The following SFMBT2 variants were observed in gnomAD, a reference collection of about 807,000 sequenced individuals.
SFMBT2 encodes the protein scm-like with four MBT domains protein 2.
In SFMBT2, 38 loss-of-function variants were observed where a neutral mutation model predicts 110.1. That is an observed-to-expected ratio of 0.35 (90% CI 0.27 to 0.45). The LOEUF is 0.45. Among genes scored for constraint, SFMBT2 ranks in the 20% least tolerant of loss-of-function variants. The probability of loss-of-function intolerance (pLI) is 1.00; values close to 1 mark genes in which losing one functional copy is unlikely to be tolerated. For synonymous variants in SFMBT2, 425 were observed against 425.4 expected (o/e 1.00, Z 0.01); for missense variants, 1,011 against 1,094.9 (o/e 0.92, Z 1.08).
intron 1 of SFMBT2, among the ~76,000 whole-genome samples, chr10:7,404,642 GA>G (rs1306525321): frequency 6.6e-6 from 1 of 152,170 alleles, no homozygotes; most frequent in Non-Finnish European, 1.5e-5. Context: ...GAATGAAACA[GA>G]AAAACGCAAT....
intron 4 of SFMBT2, among the ~76,000 whole-genome samples, chr10:7,294,221 T>A (rs1842340364): frequency 6.6e-6 from 1 of 152,164 alleles, no homozygotes; most frequent in Admixed American, 6.5e-5. Flanking sequence ...AATGGAAGGA[T>A]CCTTCCAATA....
chr10:7,355,185 A>G (rs887101852), intron 4 of SFMBT2, among the ~76,000 whole-genome samples: 3 of 152,176 alleles, frequency 2.0e-5, no homozygotes, highest in African/African-American at 7.2e-5. Flanking sequence ...CAAAAATGCT[A>G]TTTTCCTTCT....
At chr10:7,307,819 C>T (rs1243824180) in intron 4 of SFMBT2, among the ~76,000 whole-genome samples, 1 of 152,146 alleles carries the variant, frequency 6.6e-6, no homozygotes, top group African/African-American at 2.4e-5. Context: ...TCAATAAAAT[C>T]AGCTTAGTAA....
chr10:7,324,716 G>C (rs1416744952), intron 4 of SFMBT2, among the ~76,000 whole-genome samples: 1 of 152,172 alleles, frequency 6.6e-6, no homozygotes, highest in Non-Finnish European at 1.5e-5. Context: ...CTGGAGGCTG[G>C]GAAGCCCCAG....
At chr10:7,407,640 G>T (rs976504876) in intron 1 of SFMBT2, among the ~76,000 whole-genome samples, 1 of 152,192 alleles carries the variant, frequency 6.6e-6, no homozygotes, top group African/African-American at 2.4e-5. Context: ...TCAGGGCCAC[G>T]AGCCTCGCCT....
At chr10:7,292,747 T>A (rs1199191286) in intron 4 of SFMBT2, among the ~76,000 whole-genome samples, 1 of 152,222 alleles carries the variant, frequency 6.6e-6, no homozygotes, top group Non-Finnish European at 1.5e-5. Context: ...TGGGGTGCGA[T>A]GGCTCATGCC....
intron 17 of SFMBT2, 55 bp downstream of exon 17, chr10:7,175,935 A>G: frequency 6.7e-7 from 1 of 1,496,102 alleles, no homozygotes; most frequent in Non-Finnish European, 9.2e-7. Flanking sequence ...AATACCTTAG[A>G]GTGCAGTTTA....
intron 4 of SFMBT2, among the ~76,000 whole-genome samples, chr10:7,332,107 T>G (rs969357604): frequency 6.6e-6 from 1 of 151,738 alleles, no homozygotes; most frequent in African/African-American, 2.4e-5. Flanking sequence ...TGCGGAGTGA[T>G]GGTCACCTAT....
intron 15 of SFMBT2, among the ~76,000 whole-genome samples, chr10:7,196,112 G>A (rs577761467): frequency 1.3e-4 from 20 of 152,228 alleles, no homozygotes; most frequent in South Asian, 4.1e-4. Context: ...CGAGGCTCTC[G>A]TGTGGAGGGA....
In SFMBT2 at chr10:7,367,228, G is replaced by A. The variant is rs916293805; in HGVS notation, c.436+421C>T. On this transcript the variant is annotated intron_variant, in intron 4 of 20. Coordinates refer to ENST00000397167, the MANE Select transcript of SFMBT2 (RefSeq NM_001387889.1). This position sits in a 1 kb window ranked among gnomAD's most constrained non-coding sequence, Gnocchi z 6.2. ...ACTGTTCAAATGTCGACTTGCTAAA[G>A]CAGAAGAAAAGCAACATGGCCAATC... Among the ~76,000 whole-genome samples, 2 of 152,108 alleles carry A rather than the reference G, an allele frequency of 1.3e-5. No individual in the cohort carries two copies. Among genetic ancestry groups the A allele is most frequent in the Non-Finnish European group, 2.9e-5 (2 of 68,030 alleles).
At chr10:7,389,635 G>A (rs1757249127) in intron 1 of SFMBT2, among the ~76,000 whole-genome samples, 1 of 152,184 alleles carries the variant, frequency 6.6e-6, no homozygotes, top group Non-Finnish European at 1.5e-5. Context: ...TCTTGGACCA[G>A]TGAAAAGAAC....
chr10:7,267,585 T>A (rs539496263), intron 7 of SFMBT2, among the ~76,000 whole-genome samples: 1 of 152,274 alleles, frequency 6.6e-6, no homozygotes, highest in Middle Eastern at 3.4e-3. Flanking sequence ...TTAGTAGAGA[T>A]GTGGTTTCAC....
rs1837869542 is a variant in SFMBT2 at position 7,171,465 on chromosome 10, C to T, written c.2416-409G>A. ...GTGGCCCTTTCTGCTGATCTCACAC[C>T]ACCCATGGGGCTAGGGGAGACCTGA... On this transcript the variant is annotated intron_variant, in intron 19 of 20. Coordinates refer to ENST00000397167, the MANE Select transcript of SFMBT2 (RefSeq NM_001387889.1). This position sits in a 1 kb window ranked among gnomAD's most constrained non-coding sequence, Gnocchi z 4.9. 1.0e-6 allele frequency: 1 copy of T among 985,264 alleles called. No individual in the cohort carries two copies. The highest frequency in any genetic ancestry group is 1.7e-5 in the African/African-American group (1 of 57,244). The allele number at this position is 985,264 out of a possible 1,614,324, so 61.0% of individuals were successfully genotyped here.
At chr10:7,337,065 C>A (rs1022381526) in intron 4 of SFMBT2, among the ~76,000 whole-genome samples, 1 of 152,130 alleles carries the variant, frequency 6.6e-6, no homozygotes, top group South Asian at 2.1e-4. Context: ...ATATGATGCA[C>A]CATGACTTAC....
chr10:7,285,665 T>C, intron 5 of SFMBT2: 3 of 542,558 alleles, frequency 5.5e-6, no homozygotes, highest in Non-Finnish European at 6.7e-6. Flanking sequence ...GCTGATTGCA[T>C]CACAGGGGAA....
At chr10:7,178,507 G>C (rs1838143422) in intron 16 of SFMBT2, among the ~76,000 whole-genome samples, 1 of 152,120 alleles carries the variant, frequency 6.6e-6, no homozygotes, top group Non-Finnish European at 1.5e-5. Context: ...GTGCAATACT[G>C]CTTTCCTTAA....
intron 16 of SFMBT2, among the ~76,000 whole-genome samples, chr10:7,184,530 C>A (rs1053124418): frequency 1.1e-4 from 17 of 151,928 alleles, no homozygotes; most frequent in African/African-American, 4.1e-4. Flanking sequence ...TCTTTATCAG[C>A]GGCATGAAAA....
intron 4 of SFMBT2, among the ~76,000 whole-genome samples, chr10:7,366,058 T>C (rs931903370): frequency 9.9e-5 from 15 of 152,042 alleles, no homozygotes. Flanking sequence ...GCAGATAGGG[T>C]GTGACCTGGC....
At chr10:7,200,523 C>T (rs1334401051) in intron 13 of SFMBT2, 39 bp from the exon 14 acceptor site, 1 of 1,540,456 alleles carries the variant, frequency 6.5e-7, no homozygotes, top group South Asian at 1.2e-5. Context: ...GGACCACAAG[C>T]TTTAGAAGGA....
Sources: allele counts gnomAD v4.1 joint callset (sites outside exome capture counted in the v4.1 genomes callset), GRCh38; gene constraint gnomAD v4.1.1; non-coding constraint Gnocchi (gnomAD v3.1); transcripts MANE v1.5; gene names NCBI Gene and HGNC (gene_info 2026-07-23, HGNC 2026-07-21).